The following DNAJC1 variants were observed in gnomAD, a reference collection of about 807,000 sequenced individuals.
DNAJC1 encodes the protein DnaJ heat shock protein family (Hsp40) member C1, also known as dnaJ homolog subfamily C member 1.
Under a neutral mutation model 76.6 loss-of-function variants are expected in DNAJC1, and 58 were observed. The ratio of observed to expected loss-of-function variants is 0.76; its 90% CI spans 0.61 to 0.94. DNAJC1 has a LOEUF of 0.94. DNAJC1 is among the 40% of genes least tolerant of loss of function. The probability of loss-of-function intolerance (pLI) is 0.00; values close to 1 mark genes in which losing one functional copy is unlikely to be tolerated. For synonymous variants in DNAJC1, 258 were observed against 267.9 expected (o/e 0.96, Z 0.36); for missense variants, 689 against 677.3 (o/e 1.02, Z -0.19).
intron 10 of DNAJC1, among the ~76,000 whole-genome samples, chr10:21,761,459 C>T (rs1447047352): frequency 5.4e-5 from 8 of 148,596 alleles, no homozygotes; most frequent in Admixed American, 1.3e-4. Flanking sequence ...CTCAGGAGGC[C>T]GAGGCAGGAG....
chr10:21,939,783 T>C (rs1837373669), intron 1 of DNAJC1, among the ~76,000 whole-genome samples: 1 of 152,016 alleles, frequency 6.6e-6, no homozygotes, highest in Admixed American at 6.6e-5. Context: ...TGTAATTCCA[T>C]GTAATCTTTC....
At chr10:21,915,929 G>C (rs1304870576) in intron 6 of DNAJC1, among the ~76,000 whole-genome samples, 1 of 150,818 alleles carries the variant, frequency 6.6e-6, no homozygotes, top group Non-Finnish European at 1.5e-5. Context: ...GATCACTTGA[G>C]CCCAGGAGTA....
chr10:21,826,466 CT>C (rs1310946933), intron 8 of DNAJC1, among the ~76,000 whole-genome samples: 4 of 152,046 alleles, frequency 2.6e-5, no homozygotes, highest in African/African-American at 7.2e-5. Context: ...CATTTTCAGT[CT>C]CTTCATGGTA....
intron 8 of DNAJC1, among the ~76,000 whole-genome samples, chr10:21,881,790 A>G (rs2131721365): frequency 6.6e-6 from 1 of 151,316 alleles, no homozygotes; most frequent in Admixed American, 6.6e-5. Flanking sequence ...TGCTTTTGGA[A>G]AAATGGTGCC....
At chr10:21,980,046 G>C (rs969690593) in intron 1 of DNAJC1, among the ~76,000 whole-genome samples, 1 of 151,890 alleles carries the variant, frequency 6.6e-6, no homozygotes. Context: ...ACAGAGTTGC[G>C]GGGCTGGAAA....
chr10:21,998,294 G>A (rs868065067), intron 1 of DNAJC1, among the ~76,000 whole-genome samples: 2 of 150,050 alleles, frequency 1.3e-5, no homozygotes, highest in South Asian at 2.1e-4. Flanking sequence ...GGAGGCTGAG[G>A]CAGGAGAATC....
At chr10:21,908,451 A>T (rs1423309062) in intron 6 of DNAJC1, among the ~76,000 whole-genome samples, 3 of 143,780 alleles carry the variant, frequency 2.1e-5, no homozygotes, top group Non-Finnish European at 4.5e-5. Context: ...GATGAATAAG[A>T]TAAATTGTTT....
chr10:21,897,073 ATTAAAT>A (rs1358977520), intron 7 of DNAJC1, among the ~76,000 whole-genome samples: 19 of 152,192 alleles, frequency 1.2e-4, no homozygotes, highest in Non-Finnish European at 8.8e-5. Flanking sequence ...CAAGAAGAGA[ATTAAAT>A]TTCTGTTCAT....
chr10:21,864,515 G>A (rs912736497), intron 8 of DNAJC1, among the ~76,000 whole-genome samples: 21 of 151,824 alleles, frequency 1.4e-4, no homozygotes, highest in African/African-American at 4.1e-4. Context: ...CCAGCTACTC[G>A]GCAGGCTGAG....
intron 1 of DNAJC1, among the ~76,000 whole-genome samples, chr10:21,976,848 T>C (rs1424466556): frequency 6.6e-6 from 1 of 152,168 alleles, no homozygotes. Flanking sequence ...AGACAAACAC[T>C]GCAGCTTCTG....
intron 1 of DNAJC1, among the ~76,000 whole-genome samples, chr10:21,993,866 T>A (rs1450891275): frequency 6.6e-6 from 1 of 152,194 alleles, no homozygotes; most frequent in Non-Finnish European, 1.5e-5. Context: ...TCTCTAAAAT[T>A]AAGATCACTT....
chr10:21,776,718 T>C (rs115638374), intron 9 of DNAJC1, among the ~76,000 whole-genome samples: 5,291 of 152,280 alleles, frequency 0.035, 147 homozygotes, highest in African/African-American at 0.067. Context: ...TCTGTCTAGA[T>C]AGAAAAATAT....
intron 1 of DNAJC1, among the ~76,000 whole-genome samples, chr10:21,961,276 T>C (rs972380870): frequency 5.3e-5 from 8 of 152,150 alleles, no homozygotes; most frequent in African/African-American, 1.7e-4. Flanking sequence ...TCGTACATCA[T>C]CGTTCACAGC....
chr10:21,882,372 A>AAT lies in DNAJC1; in HGVS notation c.886_887dup (p.Gln297PhefsTer10). 6.3e-7 allele frequency: 1 copy of AAT among 1,598,456 alleles called. No individual in the cohort carries two copies. The highest frequency in any genetic ancestry group is 1.8e-5 in the Admixed American group (1 of 56,952). On this transcript the variant is annotated frameshift_variant, in exon 8 of 12. Transcript: ENST00000376980. LOFTEE classifies it high-confidence loss of function. ...TGGAAGTTCCATGATCATAAGACTG[A>AAT]ATATATGTAGTTTCTAAAGGTGTGT...
intron 8 of DNAJC1, among the ~76,000 whole-genome samples, chr10:21,824,975 C>A (rs1241680639): frequency 2.0e-5 from 3 of 152,080 alleles, no homozygotes; most frequent in African/African-American, 7.2e-5. Context: ...GGGGTTTCAT[C>A]ACCTTGGTCA....
rs372786565 is a variant in DNAJC1 at position 21,953,045 on chromosome 10, A to G, written c.223-23904T>C. ...TACTAATAATGACAACTTCCCTTCA[A>G]TATATAGTGATAACAGACTCTCTTG... On this transcript the variant is annotated intron_variant, in intron 1 of 11. Transcript: ENST00000376980. 2.6e-5 allele frequency among the ~76,000 whole-genome samples: 4 copies of G among 152,292 alleles called. No homozygotes were observed. In the East Asian group the frequency reaches 7.7e-4, roughly 29 times the overall value.
intron 8 of DNAJC1, among the ~76,000 whole-genome samples, chr10:21,855,373 C>A (rs756848551): frequency 6.6e-6 from 1 of 152,048 alleles, no homozygotes; most frequent in African/African-American, 2.4e-5. Flanking sequence ...GAAAGTTATT[C>A]TTTTTATCTT....
chr10:21,853,452 C>A (rs1236992030), intron 8 of DNAJC1, among the ~76,000 whole-genome samples: 1 of 152,026 alleles, frequency 6.6e-6, no homozygotes, highest in Non-Finnish European at 1.5e-5. Context: ...TGGAAGTAGT[C>A]TGATACACAC....
rs1015729574 is a variant in DNAJC1, at chr10:21,859,736, A to G, written c.978+22546T>C. 2.6e-5 allele frequency among the ~76,000 whole-genome samples: 4 copies of G among 152,318 alleles called. No individual in the cohort carries two copies. In the East Asian group the frequency reaches 7.7e-4, roughly 29 times the overall value. On this transcript the variant is annotated intron_variant, in intron 8 of 11. Coordinates refer to ENST00000376980, the MANE Select transcript of DNAJC1 (RefSeq NM_022365.4). Reference sequence around the variant, plus strand: ...TCTTTTAGATTATAAATACTGGACAAAACAAAAACTAGTCAGGGAAACTAA... The same window carrying G: ...TCTTTTAGATTATAAATACTGGACAGAACAAAAACTAGTCAGGGAAACTAA...
Sources: gnomAD v4.1 joint callset for allele counts (sites outside exome capture counted in the v4.1 genomes callset) on GRCh38, gnomAD v4.1.1 for gene constraint, MANE v1.5 for transcripts, NCBI Gene and HGNC (gene_info 2026-07-23, HGNC 2026-07-21) for gene names.